Variants in SLC24A2 observed in about 807,000 individuals in gnomAD.
SLC24A2 encodes the protein solute carrier family 24 member 2.
A neutral mutation model predicts 62.0 loss-of-function variants in SLC24A2; 36 were observed. That is an observed-to-expected ratio of 0.58 (90% CI 0.44 to 0.77). The LOEUF (loss-of-function observed/expected upper bound fraction) is 0.77. Among genes scored for constraint, SLC24A2 ranks in the 30% least tolerant of loss-of-function variants. SLC24A2 has a pLI of 0.00. For synonymous variants in SLC24A2, 358 were observed against 294.0 expected (o/e 1.22, Z -2.23); for missense variants, 846 against 817.9 (o/e 1.03, Z -0.42).
chr9:19,578,274 A>C (rs1293915271), intron 5 of SLC24A2, among the ~76,000 whole-genome samples: 3 of 152,004 alleles, frequency 2.0e-5, no homozygotes, highest in African/African-American at 7.3e-5. Flanking sequence ...TTCTCAAAGT[A>C]ATCATTTTAA....
the SLC24A2 span, among the ~76,000 whole-genome samples, chr9:20,301,779 G>A: frequency 4.6e-5 from 7 of 152,060 alleles, no homozygotes; most frequent in South Asian, 1.2e-3. Context: ...TTACATTAGG[G>A]TTCACTCTTG....
the SLC24A2 span, among the ~76,000 whole-genome samples, chr9:20,031,832 T>G: frequency 0.66 from 100,260 of 152,020 alleles, 33,860 homozygotes; most frequent in East Asian, 0.95. Flanking sequence ...TGTAGGGGCG[T>G]TGGTGGGCTG....
chr9:19,894,376 C>T, the SLC24A2 span, among the ~76,000 whole-genome samples: 1 of 152,120 alleles, frequency 6.6e-6, no homozygotes, highest in African/African-American at 2.4e-5. Flanking sequence ...TTTTTGCTCC[C>T]CCAGCATTTT....
the SLC24A2 span, among the ~76,000 whole-genome samples, chr9:20,293,222 TA>T: frequency 6.6e-6 from 1 of 152,292 alleles, no homozygotes; most frequent in Non-Finnish European, 1.5e-5. Context: ...TCTGAGACAC[TA>T]GGGATTAGGA....
chr9:19,580,218 T>C (rs1255115240), intron 5 of SLC24A2, among the ~76,000 whole-genome samples: 1 of 152,238 alleles, frequency 6.6e-6, no homozygotes, highest in Non-Finnish European at 1.5e-5. Context: ...GATGATTCTT[T>C]GTCGCAACTA....
the SLC24A2 span, among the ~76,000 whole-genome samples, chr9:20,249,681 G>T: frequency 7.3e-6 from 1 of 137,484 alleles, no homozygotes; most frequent in African/African-American, 2.9e-5. Context: ...CTCCAGCCTG[G>T]GCAGCAGATT....
the SLC24A2 span, among the ~76,000 whole-genome samples, chr9:20,116,485 G>A: frequency 6.6e-6 from 1 of 152,134 alleles, no homozygotes; most frequent in East Asian, 1.9e-4. Context: ...AACGGATTCA[G>A]TTCAGAGGCT....
chr9:19,546,748 A>C (rs1834596772), intron 8 of SLC24A2, among the ~76,000 whole-genome samples: 2 of 134,994 alleles, frequency 1.5e-5, no homozygotes, highest in Admixed American at 1.4e-4. Flanking sequence ...AAAAAAAAAC[A>C]ACACAAAACT....
At chr9:19,634,285 T>TC (rs1818255070) in intron 2 of SLC24A2, among the ~76,000 whole-genome samples, 1 of 143,350 alleles carries the variant, frequency 7.0e-6, no homozygotes, top group Non-Finnish European at 1.5e-5. Context: ...CAGCCTCTTT[T>TC]TTTTTTTTTT....
the SLC24A2 span, among the ~76,000 whole-genome samples, chr9:20,261,967 T>A: frequency 6.6e-6 from 1 of 152,068 alleles, no homozygotes. Context: ...CTTGATCTCC[T>A]GACCTCGTGA....
the SLC24A2 span, among the ~76,000 whole-genome samples, chr9:20,300,228 T>C: frequency 6.6e-6 from 1 of 152,334 alleles, no homozygotes; most frequent in East Asian, 1.9e-4. Flanking sequence ...AAATGGGGTA[T>C]CTATCCCCTT....
chr9:20,300,015 T>A, the SLC24A2 span, among the ~76,000 whole-genome samples: 3 of 152,196 alleles, frequency 2.0e-5, no homozygotes, highest in African/African-American at 4.8e-5. Flanking sequence ...TTCTAGTACT[T>A]CCTGAGAAAG....
chr9:19,560,493 G>C (rs867550750), intron 7 of SLC24A2, among the ~76,000 whole-genome samples: 1 of 152,172 alleles, frequency 6.6e-6, no homozygotes, highest in South Asian at 2.1e-4. Flanking sequence ...TCCCCTCAGG[G>C]TGCACATGCA....
At chr9:19,751,816 G>C (rs1821994344) in intron 2 of SLC24A2, among the ~76,000 whole-genome samples, 1 of 152,158 alleles carries the variant, frequency 6.6e-6, no homozygotes, top group Admixed American at 6.5e-5. Flanking sequence ...ACGTAGGAAG[G>C]GTGGTGGAGC....
intron 2 of SLC24A2, among the ~76,000 whole-genome samples, chr9:19,732,457 A>AT (rs947767086): frequency 1.3e-5 from 2 of 152,086 alleles, no homozygotes; most frequent in Admixed American, 1.3e-4. Context: ...AGCCTTTCTT[A>AT]TTTTTTTAAA....
chr9:20,206,015 C>T, the SLC24A2 span, among the ~76,000 whole-genome samples: 1 of 152,092 alleles, frequency 6.6e-6, no homozygotes, highest in Non-Finnish European at 1.5e-5. Flanking sequence ...CCAATGTTTT[C>T]CAAATGACTA....
chr9:19,688,032 G>C (rs1418227055), intron 2 of SLC24A2, among the ~76,000 whole-genome samples: 1 of 151,996 alleles, frequency 6.6e-6, no homozygotes, highest in African/African-American at 2.4e-5. Context: ...ATTTTTGTAT[G>C]CTTTCGAAAA....
chr9:19,603,903 C>T (rs1022432101), intron 4 of SLC24A2, among the ~76,000 whole-genome samples: 1 of 152,184 alleles, frequency 6.6e-6, no homozygotes, highest in African/African-American at 2.4e-5. Context: ...TTCCTGAATG[C>T]CCCCATCCCT....
the SLC24A2 span, among the ~76,000 whole-genome samples, chr9:20,235,221 C>T: frequency 2.5e-4 from 38 of 152,318 alleles, no homozygotes; most frequent in African/African-American, 7.2e-4. Context: ...TCTCCAGCTG[C>T]GTACTGGGAG....
Sources: gnomAD v4.1 joint callset for allele counts (sites outside exome capture counted in the v4.1 genomes callset) on GRCh38, gnomAD v4.1.1 for gene constraint, MANE v1.5 for transcripts, NCBI Gene and HGNC (gene_info 2026-07-23, HGNC 2026-07-21) for gene names.